Variants in MUC22 observed in about 807,000 individuals in gnomAD.
MUC22 encodes mucin-22.
Under a neutral mutation model 40.3 loss-of-function variants are expected in MUC22, and 24 were observed. The ratio of observed to expected loss-of-function variants is 0.60; its 90% CI spans 0.43 to 0.84. The LOEUF (loss-of-function observed/expected upper bound fraction) is 0.84, where lower values mean the gene tolerates loss of function less well. Among genes scored for constraint, MUC22 ranks in the 40% least tolerant of loss-of-function variants. The probability of loss-of-function intolerance (pLI) is 0.00; values close to 1 mark genes in which losing one functional copy is unlikely to be tolerated. For missense variants in MUC22, 1,926 were observed against 2,130.7 expected (o/e 0.90, Z 1.89); for synonymous variants, 765 against 844.5 (o/e 0.91, Z 1.63).
rs539565454 is a variant in MUC22, at chr6:31,027,102, G to A, written c.1671G>A (p.Met557Ile). 5,990 of 1,469,964 alleles carry A rather than the reference G, an allele frequency of 4.1e-3. 456 individuals are homozygous for A. Among genetic ancestry groups the A allele is most frequent in the East Asian group, 9.4e-3 (354 of 37,470 alleles). The allele number at this position is 1,469,964 out of a possible 1,614,324, so 91.1% of individuals were successfully genotyped here. A position where few individuals can be genotyped will look rare whatever the true frequency, so the allele number is the denominator to read the frequency against. The change falls in exon 2 of 4, where the codon ATG (methionine) becomes ATA (isoleucine). Residue 557 changes from methionine to isoleucine, a missense_variant. Coordinates refer to ENST00000561890, the Ensembl canonical transcript of MUC22. ...CCACCATGGGCTCTGAGACCACTAT[G>A]GCCTCTACCATAGGCCCTGAGACCA...
At chr6:31,017,947 C>T (rs1024969389) in intron 1 of MUC22, among the ~76,000 whole-genome samples, 3 of 152,250 alleles carry the variant, frequency 2.0e-5, no homozygotes, top group Non-Finnish European at 2.9e-5. Flanking sequence ...TGAGTTGTAA[C>T]ACTCACTGCG....
chr6:31,026,658 C>T lies in MUC22; in HGVS notation c.1227C>T (p.Ala409=), dbSNP rs1467202233. The change falls in exon 2 of 4, where the codon GCC becomes GCT. Residue 409 remains alanine, a synonymous_variant. Transcript: ENST00000561890. ...CCGTGGGCTCTGAGACCACCACAGC[C>T]TATACTGCAGATTCTGAGACCACTG... 6 of 1,507,814 alleles carry T rather than the reference C, an allele frequency of 4.0e-6. No individual in the cohort carries two copies. The African/African-American group carries it at 5.5e-5, about 14-fold the overall frequency. The allele number at this position is 1,507,814 out of a possible 1,614,324, so 93.4% of individuals were successfully genotyped here.
exon 2 of MUC22, chr6:31,028,146 C>T: frequency 6.5e-7 from 1 of 1,533,994 alleles, no homozygotes; most frequent in Non-Finnish European, 8.7e-7. Flanking sequence ...ACTCTGAGAC[C>T]ACCATGGTCT....
chr6:31,020,678 C>G (rs1216816267), intron 1 of MUC22, among the ~76,000 whole-genome samples: 2 of 152,158 alleles, frequency 1.3e-5, no homozygotes, highest in Admixed American at 6.5e-5. Flanking sequence ...TCTGGGCTGG[C>G]CGAGGCCAGA....
intron 1 of MUC22, among the ~76,000 whole-genome samples, chr6:31,015,546 T>C (rs1295376524): frequency 2.0e-5 from 3 of 151,604 alleles, no homozygotes; most frequent in Admixed American, 2.0e-4. Flanking sequence ...ATAGACCTTA[T>C]ACATCTGAAA....
intron 1 of MUC22, among the ~76,000 whole-genome samples, chr6:31,012,047 A>G (rs9262460): frequency 0.15 from 22,090 of 152,114 alleles, 1,767 homozygotes; most frequent in African/African-American, 0.19. Flanking sequence ...TGTGACTCCA[A>G]TGGGCTGTCT....
chr6:31,032,137 C>T lies in MUC22; in HGVS notation c.4670-59C>T. On this transcript the variant is annotated intron_variant, in intron 2 of 3. Transcript: ENST00000561890. The surrounding 1 kb of genome is among the most constrained non-coding windows in gnomAD (Gnocchi z 4.1). ...TCACCCTCCTCTGGTCTAAGCACCC[C>T]CATTCCCCTTTAATCATCTCTGCTA... The T allele has an allele frequency of 2.7e-6, 4 of 1,484,310 alleles. No individual in the cohort carries two copies. The highest frequency in any genetic ancestry group is 3.6e-6 in the Non-Finnish European group (4 of 1,119,654). The allele number at this position is 1,484,310 out of a possible 1,614,324, so 91.9% of individuals were successfully genotyped here.
intron 1 of MUC22, among the ~76,000 whole-genome samples, chr6:31,020,835 G>GC (rs1231569956): frequency 6.6e-6 from 1 of 152,226 alleles, no homozygotes; most frequent in Non-Finnish European, 1.5e-5. Flanking sequence ...GGCCCTGCAG[G>GC]CCCCGGGCAG....
intron 1 of MUC22, among the ~76,000 whole-genome samples, chr6:31,017,513 G>A (rs1386851711): frequency 6.6e-6 from 1 of 151,546 alleles, no homozygotes; most frequent in Non-Finnish European, 1.5e-5. Context: ...AATCTGGTGG[G>A]GACTTGGAGA....
At position 31,026,734 on chromosome 6, in the gene MUC22, G is replaced by T. The variant is rs1400556505; in HGVS notation, c.1303G>T (p.Glu435Ter). Reference sequence around the variant, plus strand: ...GACCACAGTCTTCACTGCAGGCTCGGAAACCATCACACCCTCTACTGCAGG... The same window carrying T: ...GACCACAGTCTTCACTGCAGGCTCGTAAACCATCACACCCTCTACTGCAGG... Residue 435 changes from glutamate to a stop codon, truncating the protein, a stop_gained, in exon 2 of 4, where the codon GAA becomes TAA. Transcript: ENST00000561890. LOFTEE classifies it high-confidence loss of function. 49 of 1,504,934 alleles carry T rather than the reference G, an allele frequency of 3.3e-5. 2 individuals carry two copies. The highest frequency in any genetic ancestry group is 4.3e-5 in the Non-Finnish European group (48 of 1,127,598). 93.2% of individuals were successfully genotyped at this position (1,504,934 alleles called of 1,614,324 possible). A position where few individuals can be genotyped will look rare whatever the true frequency, so the allele number is the denominator to read the frequency against.
chr6:31,006,083 GT>G, upstream of MUC22: 1 of 348,666 alleles, frequency 2.9e-6, no homozygotes, highest in Non-Finnish European at 5.5e-6. Flanking sequence ...CTCCAGCCTG[GT>G]CGACAGAGCG....
exon 2 of MUC22, chr6:31,029,948 C>T: frequency 6.6e-7 from 1 of 1,517,892 alleles, no homozygotes; most frequent in Non-Finnish European, 8.8e-7. Flanking sequence ...TTGGAGCCCA[C>T]TGCAACTTCC....
chr6:31,020,662 T>C (rs922975359), intron 1 of MUC22, among the ~76,000 whole-genome samples: 15 of 152,044 alleles, frequency 9.9e-5, no homozygotes, highest in South Asian at 4.2e-4. Flanking sequence ...ACTGTGGGAG[T>C]CCCTTTCTGG....
chr6:31,013,153 G>A (rs1763967117), intron 1 of MUC22, among the ~76,000 whole-genome samples: 1 of 124,472 alleles, frequency 8.0e-6, no homozygotes, highest in African/African-American at 2.8e-5. Flanking sequence ...TGGAGATGGA[G>A]TGTGGCTCTG....
chr6:31,035,128 G>A (rs1356109143), exon 4 of MUC22: 1 of 640,102 alleles, frequency 1.6e-6, no homozygotes, highest in East Asian at 2.8e-5. Flanking sequence ...CATGGAGATG[G>A]ACATGGACTA....
At chr6:31,033,370 G>T (rs1766219275) in intron 3 of MUC22, among the ~76,000 whole-genome samples, 1 of 152,148 alleles carries the variant, frequency 6.6e-6, no homozygotes, top group South Asian at 2.1e-4. Context: ...GCATAAAAAT[G>T]TTCAGCCATC....
exon 2 of MUC22, chr6:31,029,714 C>T (rs1032147314): frequency 3.3e-6 from 5 of 1,532,336 alleles, no homozygotes; most frequent in East Asian, 2.5e-5. Flanking sequence ...GCCACCACCA[C>T]CTCTACTGAA....
rs1399377972 is a variant in MUC22, at chr6:31,011,909, G to C, written c.70+1133G>C. Among the ~76,000 whole-genome samples the C allele has an allele frequency of 6.6e-6, 1 of 152,110 alleles. No individual in the cohort carries two copies. Among genetic ancestry groups the C allele is most frequent in the Non-Finnish European group, 1.5e-5 (1 of 68,024 alleles). ...GGATGCTGCCTGATTCCAAATCCAT[G>C]TATAATCCCCTGAGAACTTCCCTGG... On this transcript the variant is annotated intron_variant, in intron 1 of 3. Coordinates refer to ENST00000561890, the Ensembl canonical transcript of MUC22. The surrounding 1 kb of genome is among the most constrained non-coding windows in gnomAD (Gnocchi z 4.5).
intron 1 of MUC22, among the ~76,000 whole-genome samples, chr6:31,022,078 TGAGCCAGC>T (rs1266927219): frequency 3.3e-5 from 5 of 151,992 alleles, no homozygotes; most frequent in African/African-American, 1.2e-4. Context: ...GCTTCACTCA[TGAGCCAGC>T]GAGAGCACAA....
Sources: allele counts gnomAD v4.1 joint callset (sites outside exome capture counted in the v4.1 genomes callset), GRCh38; gene constraint gnomAD v4.1.1; non-coding constraint Gnocchi (gnomAD v3.1); transcripts MANE v1.5; gene names NCBI Gene and HGNC (gene_info 2026-07-23, HGNC 2026-07-21).